The following FCHSD2 variants were observed in gnomAD, a reference collection of about 807,000 sequenced individuals.
FCHSD2 encodes the protein FCH and double SH3 domains 2.
In FCHSD2, 38 loss-of-function variants were observed where a neutral mutation model predicts 108.1. That is an observed-to-expected ratio of 0.35 (90% CI 0.27 to 0.46). The LOEUF (loss-of-function observed/expected upper bound fraction) is 0.46, where lower values mean the gene tolerates loss of function less well. FCHSD2 is among the 20% of genes least tolerant of loss of function. The pLI, the probability that FCHSD2 is intolerant of heterozygous loss-of-function variation, is 1.00. For missense variants in FCHSD2, 751 were observed against 897.8 expected, an observed-to-expected ratio of 0.84 and a Z score of 2.09; for synonymous variants, 279 against 314.7, an observed-to-expected ratio of 0.89 and a Z score of 1.20.
At chr11:72,866,423 C>G (rs1854725960) in intron 13 of FCHSD2, among the ~76,000 whole-genome samples, 1 of 152,096 alleles carries the variant, frequency 6.6e-6, no homozygotes, top group South Asian at 2.1e-4. Context: ...GCGTCTGCCA[C>G]CATGCCTGGC....
At chr11:73,097,830 T>C (rs775546850) in intron 2 of FCHSD2, among the ~76,000 whole-genome samples, 3 of 152,176 alleles carry the variant, frequency 2.0e-5, no homozygotes, top group Non-Finnish European at 2.9e-5. Flanking sequence ...TTTCTGTTTG[T>C]ACATATTTAC....
At chr11:72,973,378 GAAAGA>G (rs761429444) in intron 8 of FCHSD2, among the ~76,000 whole-genome samples, 16 of 150,776 alleles carry the variant, frequency 1.1e-4, no homozygotes, top group East Asian at 2.0e-4. Flanking sequence ...AAAAAAAAAA[GAAAGA>G]AAAGAAAAGA....
chr11:73,021,814 C>T (rs1293415723), intron 3 of FCHSD2, among the ~76,000 whole-genome samples: 1 of 152,032 alleles, frequency 6.6e-6, no homozygotes, highest in South Asian at 2.1e-4. Flanking sequence ...ACTGGCTGGG[C>T]GTGGTGGCTC....
chr11:72,837,551 A>G lies in FCHSD2; in HGVS notation c.*1240T>C, dbSNP rs6592492. 1 allele frequency: 151,774 copies of G among 152,238 alleles called. 75,656 individuals carry two copies. The highest frequency in any genetic ancestry group is 1 in the Middle Eastern group (294 of 294). The allele number at this position is 152,238 out of a possible 1,614,324, so 9.4% of individuals were successfully genotyped here. A position where few individuals can be genotyped will look rare whatever the true frequency, so the allele number is the denominator to read the frequency against. On this transcript the variant is annotated 3_prime_UTR_variant, in exon 20 of 20. Coordinates refer to ENST00000409418, the MANE Select transcript of FCHSD2 (RefSeq NM_014824.3). ...CCTACCTTCTACAGGAGCGGACAGC[A>G]GACAGTCAGCACCTGACGTGGGGGC...
intron 10 of FCHSD2, among the ~76,000 whole-genome samples, chr11:72,891,941 A>C (rs540592595): frequency 6.6e-6 from 1 of 152,370 alleles, no homozygotes; most frequent in South Asian, 2.1e-4. Context: ...ACTTGAAACA[A>C]AAATTTTCTT....
At chr11:72,948,586 TAATAG>T (rs1856563236) in intron 8 of FCHSD2, among the ~76,000 whole-genome samples, 1 of 152,138 alleles carries the variant, frequency 6.6e-6, no homozygotes, top group Admixed American at 6.5e-5. Context: ...ACATTATCAA[TAATAG>T]AATATGAGTG....
At chr11:72,853,477 C>G (rs548632227) in intron 13 of FCHSD2, among the ~76,000 whole-genome samples, 1 of 151,946 alleles carries the variant, frequency 6.6e-6, no homozygotes, top group African/African-American at 2.4e-5. Context: ...TGTAGTGGCG[C>G]AATCTTGACT....
chr11:72,890,053 G>A, intron 10 of FCHSD2, 108 bp from the exon 11 acceptor site: 1 of 659,262 alleles, frequency 1.5e-6, no homozygotes, highest in Non-Finnish European at 2.7e-6. Flanking sequence ...CTCAAAACAT[G>A]AGGCACGCTC....
At chr11:72,964,980 G>A (rs187376805) in intron 8 of FCHSD2, among the ~76,000 whole-genome samples, 105 of 151,936 alleles carry the variant, frequency 6.9e-4, no homozygotes, top group South Asian at 1.7e-3. Context: ...TAGTAGAGAC[G>A]GGGTTTCACT....
At chr11:73,077,383 A>G (rs1320249997) in intron 3 of FCHSD2, among the ~76,000 whole-genome samples, 31 of 152,156 alleles carry the variant, frequency 2.0e-4, no homozygotes, top group Non-Finnish European at 7.3e-5. Flanking sequence ...ATCTATCACA[A>G]TATCAAAAAT....
intron 3 of FCHSD2, among the ~76,000 whole-genome samples, chr11:73,069,310 C>CAAAAAA: frequency 2.2e-5 from 1 of 45,936 alleles, no homozygotes; most frequent in South Asian, 7.7e-4. Context: ...AACTCTGTCT[C>CAAAAAA]AAAAAAAAAA....
At chr11:72,872,476 T>C (rs1854882644) in intron 12 of FCHSD2, among the ~76,000 whole-genome samples, 1 of 152,146 alleles carries the variant, frequency 6.6e-6, no homozygotes, top group Non-Finnish European at 1.5e-5. Context: ...GTCTTGACAA[T>C]CACTATTCTA....
chr11:72,965,065 A>C (rs947931501), intron 8 of FCHSD2, among the ~76,000 whole-genome samples: 9 of 152,178 alleles, frequency 5.9e-5, no homozygotes, highest in Non-Finnish European at 1.3e-4. Flanking sequence ...CTGGGATTAC[A>C]GGCATGAGCC....
At chr11:72,982,698 A>G (rs1042396233) in intron 8 of FCHSD2, among the ~76,000 whole-genome samples, 3 of 152,202 alleles carry the variant, frequency 2.0e-5, no homozygotes, top group African/African-American at 7.2e-5. Context: ...AATCTAATCT[A>G]TCTGCATTTC....
At chr11:72,858,345 T>C (rs1480065902) in intron 13 of FCHSD2, among the ~76,000 whole-genome samples, 2 of 152,160 alleles carry the variant, frequency 1.3e-5, no homozygotes, top group Admixed American at 6.5e-5. Flanking sequence ...CTATTCACAA[T>C]AGCAAAGAAA....
intron 2 of FCHSD2, among the ~76,000 whole-genome samples, chr11:73,126,339 T>TAAAAAAAAA (rs61586562): frequency 1.0e-3 from 29 of 27,634 alleles, no homozygotes; most frequent in South Asian, 2.1e-3. Flanking sequence ...GATTCCATCT[T>TAAAAAAAAA]AAAAAAAAAA....
chr11:72,914,863 CA>C (rs1241546082), intron 9 of FCHSD2, among the ~76,000 whole-genome samples: 6 of 148,806 alleles, frequency 4.0e-5, no homozygotes, highest in Non-Finnish European at 7.4e-5. Context: ...GCAATTGCAA[CA>C]AAAGCAAAAA....
chr11:72,881,001 C>T (rs1403916759), intron 12 of FCHSD2, among the ~76,000 whole-genome samples: 1 of 151,914 alleles, frequency 6.6e-6, no homozygotes, highest in Admixed American at 6.6e-5. Context: ...GCTTTAAGGC[C>T]ACAGGCAACA....
chr11:72,888,913 C>T (rs960485675), intron 11 of FCHSD2, among the ~76,000 whole-genome samples: 67 of 152,228 alleles, frequency 4.4e-4, no homozygotes, highest in African/African-American at 1.5e-3. Context: ...TGAGCCACTG[C>T]GCCCAGCCAA....
Sources: allele counts gnomAD v4.1 joint callset (sites outside exome capture counted in the v4.1 genomes callset), GRCh38; gene constraint gnomAD v4.1.1; transcripts MANE v1.5; gene names NCBI Gene and HGNC (gene_info 2026-07-23, HGNC 2026-07-21).